TCERG1L: variants seen among roughly 807,000 people sequenced by gnomAD.
TCERG1L encodes transcription elongation regulator 1 like.
In TCERG1L, 37 loss-of-function variants were observed where a neutral mutation model predicts 56.3. The ratio of observed to expected loss-of-function variants is 0.66; its 90% CI spans 0.51 to 0.87. The LOEUF is 0.87. TCERG1L is among the 40% of genes least tolerant of loss of function. The probability of loss-of-function intolerance (pLI) is 0.00; values close to 1 mark genes in which losing one functional copy is unlikely to be tolerated. For missense variants in TCERG1L, 799 were observed against 774.2 expected (o/e 1.03, Z -0.38); for synonymous variants, 324 against 326.3 (o/e 0.99, Z 0.08).
At chr10:131,134,193 G>A (rs771055472) in intron 8 of TCERG1L, among the ~76,000 whole-genome samples, 186 bp downstream of exon 8, 1 of 152,166 alleles carries the variant, frequency 6.6e-6, no homozygotes, top group East Asian at 1.9e-4. Flanking sequence ...CCAAGCCTCC[G>A]AGATACCTGC....
chr10:131,162,897 T>A, intron 6 of TCERG1L: 2 of 418,204 alleles, frequency 4.8e-6, no homozygotes, highest in Admixed American at 8.3e-5. Flanking sequence ...TTAATATATA[T>A]TCACAGACAG....
In TCERG1L at chr10:131,146,241, G is replaced by C. The variant is rs150950814; in HGVS notation, c.1189+265C>G. ...CAGTGATGCTGGATGGAAGCTTTGA[G>C]GGGCGGAGGGAATGAATGGCCATCT... is the stretch of plus-strand genomic sequence containing the variant. On this transcript the variant is annotated intron_variant, in intron 7 of 11. Transcript: ENST00000368642. Among the ~76,000 whole-genome samples the C allele has an allele frequency of 5.0e-3, 766 of 152,346 alleles. 3 individuals carry two copies. Among genetic ancestry groups the C allele is most frequent in the Non-Finnish European group, 9.3e-3 (636 of 68,030 alleles).
chr10:131,123,580 T>C (rs1343132272), intron 8 of TCERG1L, among the ~76,000 whole-genome samples: 1 of 152,158 alleles, frequency 6.6e-6, no homozygotes, highest in Admixed American at 6.5e-5. Context: ...TCCTCATCCA[T>C]GGCAGGGCTG....
chr10:131,100,871 G>A (rs760080909), intron 10 of TCERG1L, among the ~76,000 whole-genome samples: 1 of 152,112 alleles, frequency 6.6e-6, no homozygotes, highest in Non-Finnish European at 1.5e-5. Flanking sequence ...TTCCTCATAC[G>A]AGCTGCCATG....
At chr10:131,174,802 G>A (rs1462161290) in intron 4 of TCERG1L, among the ~76,000 whole-genome samples, 1 of 152,040 alleles carries the variant, frequency 6.6e-6, no homozygotes, top group East Asian at 1.9e-4. Flanking sequence ...ACAAGAAGGG[G>A]TCTCAGTACC....
Position 131,228,209 on chromosome 10 carries a change from G to T in TCERG1L, c.856+32050C>A, listed in dbSNP as rs1338287663. ...CAAGGCCTCACGAGTCTCCCCTCCAGACAGGCATTTCCTCAAGGCCTCCGG... is the reference window on the plus strand; with the variant it reads ...CAAGGCCTCACGAGTCTCCCCTCCATACAGGCATTTCCTCAAGGCCTCCGG... On this transcript the variant is annotated intron_variant, in intron 4 of 11. Coordinates refer to ENST00000368642, the MANE Select transcript of TCERG1L (RefSeq NM_174937.4). Among the ~76,000 whole-genome samples the T allele has an allele frequency of 4.9e-5, 7 of 142,572 alleles. No individual in the cohort carries two copies. The South Asian group carries it at 1.7e-3, about 34-fold the overall frequency. 93.5% of individuals were successfully genotyped at this position (142,572 alleles called of 152,430 possible). A position where few individuals can be genotyped will look rare whatever the true frequency, so the allele number is the denominator to read the frequency against.
chr10:131,304,833 G>A (rs112539903), intron 3 of TCERG1L, among the ~76,000 whole-genome samples: 5,642 of 152,068 alleles, frequency 0.037, 167 homozygotes, highest in African/African-American at 0.055. Context: ...CTGAGTGGAA[G>A]AATGATGTAA....
At chr10:131,277,308 T>C (rs1344169917) in intron 3 of TCERG1L, among the ~76,000 whole-genome samples, 1 of 152,208 alleles carries the variant, frequency 6.6e-6, no homozygotes, top group African/African-American at 2.4e-5. Flanking sequence ...GAGTTCATTA[T>C]GTGAACCCAG....
At chr10:131,165,704 C>T (rs963875429) in intron 5 of TCERG1L, among the ~76,000 whole-genome samples, 1 of 152,164 alleles carries the variant, frequency 6.6e-6, no homozygotes, top group Non-Finnish European at 1.5e-5. Context: ...ATTATTCAAG[C>T]AAATAGAGTA....
chr10:131,149,525 T>G (rs537792223), intron 6 of TCERG1L, among the ~76,000 whole-genome samples: 1 of 152,222 alleles, frequency 6.6e-6, no homozygotes, highest in Non-Finnish European at 1.5e-5. Context: ...ATTCAGCTAC[T>G]ATATGAACTC....
chr10:131,288,043 C>A (rs1846565061), intron 3 of TCERG1L, among the ~76,000 whole-genome samples: 1 of 152,136 alleles, frequency 6.6e-6, no homozygotes, highest in South Asian at 2.1e-4. Context: ...ATTTACAGCA[C>A]TTTTTTGGAT....
At position 131,258,955 on chromosome 10, in the gene TCERG1L, T is replaced by C. The variant is rs115799787; in HGVS notation, c.856+1304A>G. Among the ~76,000 whole-genome samples, 934 of 152,346 alleles carry C rather than the reference T, an allele frequency of 6.1e-3. 11 individuals carry two copies. Among genetic ancestry groups the C allele is most frequent in the African/African-American group, 0.021 (883 of 41,586 alleles). ...GTACTAGTAGGTTTAACCAAACTCT[T>C]GACACAGCTGTAATTTATGTTCCAC... On this transcript the variant is annotated intron_variant, in intron 4 of 11. Transcript: ENST00000368642.
chr10:131,271,297 C>A (rs547730141), intron 3 of TCERG1L, among the ~76,000 whole-genome samples: 33 of 152,348 alleles, frequency 2.2e-4, no homozygotes, highest in Admixed American at 6.5e-4. Flanking sequence ...AGCCAAGCCC[C>A]ACTGTGCCGG....
At chr10:131,199,678 C>T (rs1299715795) in intron 4 of TCERG1L, among the ~76,000 whole-genome samples, 3 of 152,204 alleles carry the variant, frequency 2.0e-5, no homozygotes, top group Admixed American at 1.3e-4. Flanking sequence ...CTTGAAGCCA[C>T]CTGCTCTGTG....
intron 8 of TCERG1L, 74 bp downstream of exon 8, chr10:131,134,305 T>C (rs1295292499): frequency 7.5e-7 from 1 of 1,327,628 alleles, no homozygotes; most frequent in East Asian, 2.5e-5. Flanking sequence ...GTGGTCAAAA[T>C]GATGCCTTTT....
chr10:131,173,577 TGCCA>T (rs1846114895), intron 4 of TCERG1L, among the ~76,000 whole-genome samples: 1 of 152,210 alleles, frequency 6.6e-6, no homozygotes, highest in African/African-American at 2.4e-5. Flanking sequence ...GGTGCCTGCG[TGCCA>T]TCTTCATGCT....
At chr10:131,296,534 A>T (rs1279961653) in intron 3 of TCERG1L, among the ~76,000 whole-genome samples, 1 of 152,190 alleles carries the variant, frequency 6.6e-6, no homozygotes, top group Admixed American at 6.5e-5. Flanking sequence ...GTGATTTGTC[A>T]TCAGCATTTA....
At chr10:131,252,293 G>C (rs938133476) in intron 4 of TCERG1L, among the ~76,000 whole-genome samples, 9 of 152,092 alleles carry the variant, frequency 5.9e-5, no homozygotes, top group African/African-American at 2.2e-4. Context: ...TGTAACTGAG[G>C]ACCTGCCACA....
intron 4 of TCERG1L, among the ~76,000 whole-genome samples, chr10:131,173,828 G>A (rs1320483068): frequency 6.6e-6 from 1 of 152,212 alleles, no homozygotes; most frequent in Non-Finnish European, 1.5e-5. Context: ...CTGGCACAGT[G>A]TCCTCCAGAT....
Sources: allele counts gnomAD v4.1 joint callset (sites outside exome capture counted in the v4.1 genomes callset), GRCh38; gene constraint gnomAD v4.1.1; transcripts MANE v1.5; gene names NCBI Gene and HGNC (gene_info 2026-07-23, HGNC 2026-07-21).